Variants in F11 observed in about 807,000 individuals in gnomAD.
F11 encodes the protein coagulation factor XI.
Under a neutral mutation model 76.5 loss-of-function variants are expected in F11, and 78 were observed. That is an observed-to-expected ratio of 1.02 (90% confidence interval 0.85 to 1.23). F11 has a LOEUF of 1.23. F11 is among the 50% of genes most tolerant of loss of function. The pLI, the probability that F11 is intolerant of heterozygous loss-of-function variation, is 0.00. For missense variants in F11, 742 were observed against 771.4 expected (o/e 0.96, Z 0.45); for synonymous variants, 278 against 276.3 (o/e 1.01, Z -0.06).
At position 186,285,659 on chromosome 4, in the gene F11, G is replaced by C; in HGVS notation, c.1326G>C (p.Leu442Phe). The C allele has an allele frequency of 6.2e-7, 1 of 1,614,096 alleles. No individual in the cohort carries two copies. Among genetic ancestry groups the C allele is most frequent in the East Asian group, 2.2e-5 (1 of 44,864 alleles). ...TTAGGGTAGAGTCACCTAAGATTTT[G>C]CGTGTCTACAGTGGCATTTTAAATC... ...CFYGVESPKI[L>F]RVYSGILNQS... Residue 442 changes from leucine (L) to phenylalanine (F), a missense_variant, in exon 12 of 15, where the codon TTG becomes TTC. Transcript: ENST00000403665.
intron 14 of F11, among the ~76,000 whole-genome samples, chr4:186,288,149 T>C (rs1313416898): frequency 1.3e-5 from 2 of 151,924 alleles, no homozygotes; most frequent in Admixed American, 6.6e-5. Flanking sequence ...CCTGACCTCA[T>C]GATCTGCCTG....
At chr4:186,273,317 A>G in intron 4 of F11, 140 bp downstream of exon 4, 1 of 732,344 alleles carries the variant, frequency 1.4e-6, no homozygotes, top group Non-Finnish European at 2.5e-6. Flanking sequence ...AGTGTAGAGT[A>G]TAAACTAGTA....
Position 186,288,102 on chromosome 4 carries a change from C to T in F11, c.1716+279C>T, listed in dbSNP as rs189805890. Reference sequence around the variant, plus strand: ...TTTTTTTTTTTAGTTTTAGTAGAGACGGGGTTTCACCATGTTGGCCAGGAT... The same window carrying T: ...TTTTTTTTTTTAGTTTTAGTAGAGATGGGGTTTCACCATGTTGGCCAGGAT... On this transcript the variant is annotated intron_variant, in intron 14 of 14. Coordinates refer to ENST00000403665, the MANE Select transcript of F11 (RefSeq NM_000128.4). Among the ~76,000 whole-genome samples the T allele has an allele frequency of 8.6e-5, 13 of 151,348 alleles. 1 individual carries two copies. Among genetic ancestry groups the T allele is most frequent in the Admixed American group, 5.9e-4 (9 of 15,170 alleles).
At position 186,276,604 on chromosome 4, in the gene F11, T is replaced by TTG. The variant is rs1561484235; in HGVS notation, c.755+214_755+215insTG. Reference sequence around the variant, plus strand: ...ACTCTTTTTTTTTTTTTTTTTTTTTTGAGATGGAGTCTCGCTCTGCTGCCC... The same window carrying TTG: ...ACTCTTTTTTTTTTTTTTTTTTTTTTTGGAGATGGAGTCTCGCTCTGCTGCCC... On this transcript the variant is annotated intron_variant, in intron 7 of 14. Coordinates refer to ENST00000403665, the MANE Select transcript of F11 (RefSeq NM_000128.4). Among the ~76,000 whole-genome samples, 4 of 112,950 alleles carry TTG rather than the reference T, an allele frequency of 3.5e-5. 1 individual carries two copies. The highest frequency in any genetic ancestry group is 6.5e-5 in the African/African-American group (2 of 30,764). The allele number at this position is 112,950 out of a possible 152,430, so 74.1% of individuals were successfully genotyped here. A position where few individuals can be genotyped will look rare whatever the true frequency, so the allele number is the denominator to read the frequency against.
chr4:186,283,026 G>A (rs1024708859), intron 10 of F11: 11 of 985,152 alleles, frequency 1.1e-5, no homozygotes, highest in Middle Eastern at 5.2e-4. Flanking sequence ...CTCAGGACGC[G>A]GAGCCTTCTG....
At position 186,276,235 on chromosome 4, in the gene F11, T is replaced by C; in HGVS notation, c.600T>C (p.Cys200=). ...CATAGTTCTTCCGTCGCGCAGCTTGTATTAGGGACATTTTCCCTAATACGG... is the reference window on the plus strand; with the variant it reads ...CATAGTTCTTCCGTCGCGCAGCTTGCATTAGGGACATTTTCCCTAATACGG... ...LKSCALSNLA[C]IRDIFPNTVF... The change falls in exon 7 of 15, where the codon TGT becomes TGC. Residue 200 remains cysteine, a synonymous_variant. Coordinates refer to ENST00000403665, the MANE Select transcript of F11 (RefSeq NM_000128.4). The C allele has an allele frequency of 6.2e-7, 1 of 1,614,196 alleles. No individual in the cohort carries two copies. The highest frequency in any genetic ancestry group is 8.5e-7 in the Non-Finnish European group (1 of 1,180,038).
intron 12 of F11, 79 bp downstream of exon 12, chr4:186,285,892 G>A: frequency 2.0e-6 from 3 of 1,463,926 alleles, no homozygotes; most frequent in South Asian, 1.1e-5. Context: ...CTTACGGCCT[G>A]ACCCTGCCAA....
rs1265599233 is a variant in F11 at position 186,284,073 on chromosome 4, C to T, written c.1136-19C>T. On this transcript the variant is annotated intron_variant, in intron 10 of 14. Transcript: ENST00000403665. ...AAGGAAGATGTAGGAAGCTGCTCATCACAATGCTTCTGTTGCAGAGTGTAC... is the reference window on the plus strand; with the variant it reads ...AAGGAAGATGTAGGAAGCTGCTCATTACAATGCTTCTGTTGCAGAGTGTAC... The T allele has an allele frequency of 6.2e-7, 1 of 1,614,196 alleles. No homozygotes were observed. The highest frequency in any genetic ancestry group is 8.5e-7 in the Non-Finnish European group (1 of 1,180,044).
At chr4:186,274,367 A>AT in intron 5 of F11, 92 bp downstream of exon 5, 1 of 1,492,528 alleles carries the variant, frequency 6.7e-7, no homozygotes, top group Non-Finnish European at 9.3e-7. Context: ...GCCAGAATTT[A>AT]TTTTGAACCC....
In F11 at chr4:186,289,046, A is replaced by G; in HGVS notation, c.*432A>G. On this transcript the variant is annotated 3_prime_UTR_variant, in exon 15 of 15. Transcript: ENST00000403665. The stretch of plus-strand genomic sequence containing the variant: ...AAGACAGTCTTCACCATTTTGCAGG[A>G]ATCTACACTCTGCCTATGTGAACAC... The G allele has an allele frequency of 5.7e-6, 1 of 174,776 alleles. No homozygotes were observed. Among genetic ancestry groups the G allele is most frequent in the Non-Finnish European group, 1.2e-5 (1 of 81,912 alleles). The allele number at this position is 174,776 out of a possible 1,614,324, so 10.8% of individuals were successfully genotyped here.
chr4:186,289,043 A>C lies in F11; in HGVS notation c.*429A>C. On this transcript the variant is annotated 3_prime_UTR_variant, in exon 15 of 15. Coordinates refer to ENST00000403665, the MANE Select transcript of F11 (RefSeq NM_000128.4). The stretch of plus-strand genomic sequence containing the variant: ...ACAAAGACAGTCTTCACCATTTTGC[A>C]GGAATCTACACTCTGCCTATGTGAA... The C allele has an allele frequency of 5.1e-6, 1 of 194,764 alleles. No individual in the cohort carries two copies. Among genetic ancestry groups the C allele is most frequent in the Non-Finnish European group, 1.1e-5 (1 of 94,508 alleles). 12.1% of individuals were successfully genotyped at this position (194,764 alleles called of 1,614,324 possible).
At position 186,289,412 on chromosome 4, in the gene F11, T is replaced by A. The variant is rs1409466483; in HGVS notation, c.*798T>A. 6.6e-6 allele frequency among the ~76,000 whole-genome samples: 1 copy of A among 152,208 alleles called. No individual in the cohort carries two copies. Among genetic ancestry groups the A allele is most frequent in the Non-Finnish European group, 1.5e-5 (1 of 68,042 alleles). ...CTAAGACAAGCTGCTGCTGTGACTA[T>A]GGGCTCCCAAAGAGCTAGATCGTAT... On this transcript the variant is annotated 3_prime_UTR_variant, in exon 15 of 15. Transcript: ENST00000403665.
At chr4:186,285,913 C>A (rs878937298) in intron 12 of F11, 100 bp downstream of exon 12, 2 of 1,269,982 alleles carry the variant, frequency 1.6e-6, no homozygotes, top group Admixed American at 1.7e-5. Context: ...TCTCTCCATG[C>A]GTTATCATCA....
At chr4:186,272,448 G>A (rs571860204) in intron 3 of F11, among the ~76,000 whole-genome samples, 22 of 152,218 alleles carry the variant, frequency 1.4e-4, no homozygotes, top group Non-Finnish European at 2.9e-4. Context: ...TGCATTGGGT[G>A]GTTTGTCAGG....
Position 186,287,698 on chromosome 4 carries a change from A to T in F11, c.1591A>T (p.Thr531Ser), listed in dbSNP as rs747777627. Reference sequence around the variant, plus strand: ...ATTTTTTTCAGACAAAATACAAAATACTCTCCAGAAAGCCAAGATACCCTT... The same window carrying T: ...ATTTTTTTCAGACAAAATACAAAATTCTCTCCAGAAAGCCAAGATACCCTT... ...YRKLRDKIQN[T>S]LQKAKIPLVT... Residue 531 changes from threonine (T) to serine (S), a missense_variant, in exon 14 of 15, where the codon ACT becomes TCT. Coordinates refer to ENST00000403665, the MANE Select transcript of F11 (RefSeq NM_000128.4). 6.2e-7 allele frequency: 1 copy of T among 1,612,622 alleles called. No individual in the cohort carries two copies. The highest frequency in any genetic ancestry group is 1.3e-5 in the African/African-American group (1 of 74,942).
chr4:186,277,691 T>C (rs944596763), intron 7 of F11, among the ~76,000 whole-genome samples: 10 of 152,142 alleles, frequency 6.6e-5, no homozygotes, highest in African/African-American at 2.4e-4. Flanking sequence ...GGTTTGAGAA[T>C]TGAGTCCCTG....
chr4:186,271,825 A>G, intron 3 of F11, 54 bp downstream of exon 3: 1 of 1,557,582 alleles, frequency 6.4e-7, no homozygotes, highest in Non-Finnish European at 8.9e-7. Context: ...GGAGATTGCT[A>G]TTCTTAACAC....
chr4:186,266,376 A>T (rs1183094389), intron 1 of F11, 81 bp downstream of exon 1: 1 of 152,244 alleles, frequency 6.6e-6, no homozygotes, highest in African/African-American at 2.4e-5. Flanking sequence ...ATAGGAATTT[A>T]AAAACACTTT....
At chr4:186,274,634 A>ACT (rs1009731279) in intron 5 of F11, 38 of 298,602 alleles carry the variant, frequency 1.3e-4, no homozygotes, top group South Asian at 3.1e-4. Context: ...ATAAAAACCT[A>ACT]CTCTCTCTCT....
Sources: allele counts gnomAD v4.1 joint callset (sites outside exome capture counted in the v4.1 genomes callset), GRCh38; gene constraint gnomAD v4.1.1; transcripts MANE v1.5; gene names NCBI Gene and HGNC (gene_info 2026-07-23, HGNC 2026-07-21).